Variants in ST7 observed in about 807,000 individuals in gnomAD.
The protein encoded by ST7 is suppression of tumorigenicity 7.
A neutral mutation model predicts 78.7 loss-of-function variants in ST7; 28 were observed. That is an observed-to-expected ratio of 0.36 (90% CI 0.26 to 0.49). The LOEUF (loss-of-function observed/expected upper bound fraction) is 0.49. Among genes scored for constraint, ST7 ranks in the 20% least tolerant of loss-of-function variants. ST7 has a pLI of 0.99. For missense variants in ST7, 418 were observed against 696.0 expected, an observed-to-expected ratio of 0.60 and a Z score of 4.49; for synonymous variants, 247 against 249.6, an observed-to-expected ratio of 0.99 and a Z score of 0.10.
chr7:117,203,737 C>G (rs1420126677), intron 12 of ST7, among the ~76,000 whole-genome samples: 2 of 152,286 alleles, frequency 1.3e-5, no homozygotes, highest in East Asian at 3.9e-4. Context: ...TCCTCTCTCT[C>G]TCCCTCCTCT....
At chr7:117,080,082 G>A (rs1056244168) in intron 1 of ST7, among the ~76,000 whole-genome samples, 2 of 137,626 alleles carry the variant, frequency 1.5e-5, no homozygotes, top group Non-Finnish European at 3.1e-5. Context: ...CCGGGTTCAC[G>A]CCATTCTCCT....
intron 1 of ST7, among the ~76,000 whole-genome samples, chr7:117,043,061 C>A (rs892430480): frequency 1.3e-5 from 2 of 152,040 alleles, no homozygotes; most frequent in East Asian, 3.8e-4. Context: ...AAACAATTCA[C>A]CTTTTTGTTT....
At chr7:117,060,831 C>T (rs1412111720) in intron 1 of ST7, among the ~76,000 whole-genome samples, 1 of 152,024 alleles carries the variant, frequency 6.6e-6, no homozygotes, top group Non-Finnish European at 1.5e-5. Flanking sequence ...CATGGTGAAA[C>T]TTGGTCTCTA....
intron 1 of ST7, among the ~76,000 whole-genome samples, chr7:117,025,479 T>C (rs1796136653): frequency 6.6e-6 from 1 of 152,212 alleles, no homozygotes; most frequent in African/African-American, 2.4e-5. Flanking sequence ...TAGATTTAGC[T>C]GCATCGGATT....
intron 1 of ST7, among the ~76,000 whole-genome samples, chr7:116,994,994 T>C (rs12706135): frequency 0.15 from 22,910 of 152,142 alleles, 2,204 homozygotes; most frequent in South Asian, 0.23. Context: ...TGTATTCTGG[T>C]TGGGTTTAGC....
chr7:117,211,339 C>T lies in ST7; in HGVS notation c.1405+1402C>T, dbSNP rs1251756699. Among the ~76,000 whole-genome samples the T allele has an allele frequency of 3.3e-5, 5 of 152,330 alleles. No individual in the cohort carries two copies. In the East Asian group the frequency reaches 5.8e-4, roughly 18 times the overall value. On this transcript the variant is annotated intron_variant, in intron 13 of 15. Coordinates refer to ENST00000323984, the MANE Select transcript of ST7 (RefSeq NM_001369598.1). ...AAATGGGTTAAGACACACCACTCTCCACTCAGGGTGTGTGTGAGCATGGTC... is the reference window on the plus strand; with the variant it reads ...AAATGGGTTAAGACACACCACTCTCTACTCAGGGTGTGTGTGAGCATGGTC...
chr7:116,982,134 C>G (rs777262304), intron 1 of ST7, among the ~76,000 whole-genome samples: 1 of 152,222 alleles, frequency 6.6e-6, no homozygotes, highest in African/African-American at 2.4e-5. Context: ...CTGTCATTGA[C>G]AGATATGTTG....
intron 9 of ST7, among the ~76,000 whole-genome samples, chr7:117,144,604 G>A (rs1281965523): frequency 6.8e-6 from 1 of 146,840 alleles, no homozygotes; most frequent in Admixed American, 6.8e-5. Context: ...CTGCACTCCA[G>A]CCTAGGCAAC....
intron 1 of ST7, among the ~76,000 whole-genome samples, chr7:117,035,557 A>G (rs969959131): frequency 3.3e-5 from 5 of 152,208 alleles, no homozygotes; most frequent in Non-Finnish European, 5.9e-5. Flanking sequence ...AACTGAGTCA[A>G]TTTCATAGCT....
intron 1 of ST7, among the ~76,000 whole-genome samples, chr7:117,047,976 A>G (rs1352424397): frequency 1.3e-5 from 2 of 152,246 alleles, no homozygotes; most frequent in African/African-American, 4.8e-5. Flanking sequence ...CTAGTAGCCT[A>G]CTTGACTGGA....
chr7:117,206,402 A>G (rs60651772), intron 12 of ST7, among the ~76,000 whole-genome samples: 8,309 of 152,224 alleles, frequency 0.055, 766 homozygotes, highest in African/African-American at 0.19. Context: ...CAGATGGCAA[A>G]GTTCATGCTC....
At chr7:116,963,688 A>G (rs987448786) in intron 1 of ST7, among the ~76,000 whole-genome samples, 2 of 141,772 alleles carry the variant, frequency 1.4e-5, no homozygotes, top group East Asian at 2.1e-4. Context: ...ACTGGAGTTC[A>G]GTGGTGCCAT....
intron 1 of ST7, among the ~76,000 whole-genome samples, chr7:117,046,742 T>A (rs989455431): frequency 6.6e-6 from 1 of 152,140 alleles, no homozygotes; most frequent in African/African-American, 2.4e-5. Context: ...AATTTAAACA[T>A]GGAAGAATGA....
intron 10 of ST7, among the ~76,000 whole-genome samples, chr7:117,188,985 A>T (rs1237071720): frequency 6.6e-6 from 1 of 152,234 alleles, no homozygotes; most frequent in Admixed American, 6.5e-5. Flanking sequence ...TGTCTTTCAC[A>T]TCAAGGATAT....
chr7:117,185,498 T>C (rs929796310), intron 10 of ST7, among the ~76,000 whole-genome samples: 2 of 152,146 alleles, frequency 1.3e-5, no homozygotes, highest in Admixed American at 6.5e-5. Context: ...GCTGATGGAG[T>C]AGTCCCCTCT....
chr7:117,093,039 G>T (rs933451487), intron 1 of ST7, among the ~76,000 whole-genome samples: 2 of 152,164 alleles, frequency 1.3e-5, no homozygotes, highest in Admixed American at 6.5e-5. Context: ...TCAATTGATT[G>T]TTCCCACGGT....
chr7:117,202,684 C>T (rs529728686), intron 12 of ST7, among the ~76,000 whole-genome samples: 2 of 152,172 alleles, frequency 1.3e-5, no homozygotes, highest in African/African-American at 4.8e-5. Flanking sequence ...TGATCCTACA[C>T]ATGACTCACC....
intron 1 of ST7, among the ~76,000 whole-genome samples, chr7:117,052,710 C>T (rs1191950424): frequency 2.6e-5 from 4 of 152,080 alleles, no homozygotes; most frequent in East Asian, 1.9e-4. Flanking sequence ...CTGGCTAACA[C>T]GGTGAAACCC....
At position 117,221,949 on chromosome 7, in the gene ST7, A is replaced by G. The variant is rs770957141; in HGVS notation, c.1525A>G (p.Lys509Glu). The change falls in exon 15 of 16, where the codon AAG becomes GAG. Residue 509 changes from lysine (K) to glutamate (E), a missense_variant. Lys to Glu is a moderately conservative substitution (Grantham distance 56). Transcript: ENST00000323984. ...PSFHEVSVYP[K>E]KELPFFILFT... Reference sequence around the variant, plus strand: ...TTTCCATGAAGTCTCAGTTTACCCAAAGAAGGAGCTTCCCTTCTTTATTCT... The same window carrying G: ...TTTCCATGAAGTCTCAGTTTACCCAGAGAAGGAGCTTCCCTTCTTTATTCT... 3 of 1,611,882 alleles carry G rather than the reference A, an allele frequency of 1.9e-6. No homozygotes were observed. Among genetic ancestry groups the G allele is most frequent in the South Asian group, 1.1e-5 (1 of 90,666 alleles).
Sources: allele counts gnomAD v4.1 joint callset (sites outside exome capture counted in the v4.1 genomes callset), GRCh38; gene constraint gnomAD v4.1.1; transcripts MANE v1.5; gene names NCBI Gene and HGNC (gene_info 2026-07-23, HGNC 2026-07-21).